The following RBMS1 variants were observed in gnomAD, a reference collection of about 807,000 sequenced individuals.
RBMS1 encodes RNA binding motif single stranded interacting protein 1, also known as RNA-binding motif, single-stranded-interacting protein 1.
A neutral mutation model predicts 62.3 loss-of-function variants in RBMS1; 17 were observed. The observed-to-expected ratio is 0.27, with a 90% CI of 0.19 to 0.41. RBMS1 has a LOEUF of 0.41. RBMS1 is among the 10% of genes least tolerant of loss of function. RBMS1 has a pLI of 1.00. For synonymous variants in RBMS1, 172 were observed against 170.0 expected, an observed-to-expected ratio of 1.01 and a Z score of -0.09; for missense variants, 334 against 504.5, an observed-to-expected ratio of 0.66 and a Z score of 3.24.
At chr2:160,476,012 A>G (rs752802089) in intron 1 of RBMS1, among the ~76,000 whole-genome samples, 3 of 151,966 alleles carry the variant, frequency 2.0e-5, no homozygotes, top group Non-Finnish European at 2.9e-5. Context: ...ACAAGCCACC[A>G]CATCCAGTTA....
chr2:160,278,482 G>T, intron 11 of RBMS1, 66 bp downstream of exon 11: 1 of 1,280,272 alleles, frequency 7.8e-7, no homozygotes. Context: ...TGATAGGGAA[G>T]ATACAGGCTG....
chr2:160,307,520 G>A (rs550819800), intron 4 of RBMS1, among the ~76,000 whole-genome samples: 2 of 152,254 alleles, frequency 1.3e-5, no homozygotes, highest in Non-Finnish European at 2.9e-5. Flanking sequence ...TGTCTTTGTA[G>A]CTCGTTATCT....
At chr2:160,374,430 T>C (rs1041849202) in intron 1 of RBMS1, among the ~76,000 whole-genome samples, 6 of 152,030 alleles carry the variant, frequency 3.9e-5, no homozygotes, top group Non-Finnish European at 7.4e-5. Flanking sequence ...AAGTTGATGT[T>C]GGGGTAGGAG....
intron 2 of RBMS1, among the ~76,000 whole-genome samples, chr2:160,364,576 T>A (rs1693300244): frequency 6.6e-6 from 1 of 152,220 alleles, no homozygotes; most frequent in East Asian, 1.9e-4. Flanking sequence ...TGGGGCTGCC[T>A]TTCCCTGTCA....
At chr2:160,427,160 T>C (rs1017998496) in intron 1 of RBMS1, among the ~76,000 whole-genome samples, 7 of 152,356 alleles carry the variant, frequency 4.6e-5, no homozygotes, top group Admixed American at 2.6e-4. Context: ...CTTTTCCATC[T>C]AAGGGATGAT....
intron 1 of RBMS1, among the ~76,000 whole-genome samples, chr2:160,445,802 C>T (rs1683617322): frequency 6.6e-6 from 1 of 152,186 alleles, no homozygotes; most frequent in Non-Finnish European, 1.5e-5. Context: ...ACTAAGCTAT[C>T]TGGTTTTTAT....
chr2:160,276,118 C>T (rs1687819810), intron 12 of RBMS1, among the ~76,000 whole-genome samples: 1 of 152,116 alleles, frequency 6.6e-6, no homozygotes, highest in Admixed American at 6.6e-5. Flanking sequence ...ATTAATAGTT[C>T]TACACTGGAA....
chr2:160,379,160 A>T (rs1048745501), intron 1 of RBMS1, among the ~76,000 whole-genome samples: 2 of 152,016 alleles, frequency 1.3e-5, no homozygotes, highest in African/African-American at 2.4e-5. Flanking sequence ...CAGAGGTTGC[A>T]GTGATCAGAG....
chr2:160,377,353 C>T (rs2105180266), intron 1 of RBMS1, among the ~76,000 whole-genome samples: 1 of 152,294 alleles, frequency 6.6e-6, no homozygotes, highest in African/African-American at 2.4e-5. Flanking sequence ...AAACAGTGGT[C>T]AGCAGCGTTT....
intron 1 of RBMS1, 53 bp downstream of exon 1, chr2:160,493,236 C>G: frequency 1.3e-6 from 2 of 1,554,964 alleles, no homozygotes; most frequent in Non-Finnish European, 1.8e-6. Context: ...TGACCCTGCG[C>G]GCGTCCCCGG....
chr2:160,412,467 C>T (rs1179056213), intron 1 of RBMS1, among the ~76,000 whole-genome samples: 1 of 152,122 alleles, frequency 6.6e-6, no homozygotes, highest in African/African-American at 2.4e-5. Context: ...AAAATCTAGA[C>T]CTGGCTAGGG....
intron 2 of RBMS1, among the ~76,000 whole-genome samples, chr2:160,332,552 A>C (rs1220313579): frequency 6.6e-6 from 1 of 152,186 alleles, no homozygotes; most frequent in East Asian, 1.9e-4. Context: ...TCCTGTGACT[A>C]TCCTGCTGAA....
intron 1 of RBMS1, among the ~76,000 whole-genome samples, chr2:160,440,364 G>C (rs2105302300): frequency 6.6e-6 from 1 of 152,206 alleles, no homozygotes; most frequent in South Asian, 2.1e-4. Flanking sequence ...AACGAATCCA[G>C]CATCCCTGAC....
intron 10 of RBMS1, among the ~76,000 whole-genome samples, chr2:160,281,108 G>A (rs1212064407): frequency 6.6e-6 from 1 of 152,114 alleles, no homozygotes; most frequent in Admixed American, 6.6e-5. Flanking sequence ...TATATTTTAA[G>A]TTCTTATAGA....
chr2:160,418,218 C>T (rs768732652), intron 1 of RBMS1, among the ~76,000 whole-genome samples: 2 of 152,128 alleles, frequency 1.3e-5, no homozygotes, highest in Non-Finnish European at 2.9e-5. Context: ...ACTTCTTTGG[C>T]AAGTTTTAGT....
intron 3 of RBMS1, among the ~76,000 whole-genome samples, chr2:160,315,205 A>G (rs950672784): frequency 2.6e-5 from 4 of 152,172 alleles, no homozygotes; most frequent in African/African-American, 4.8e-5. Context: ...GCCTTTCCCA[A>G]TGCCTACCAC....
chr2:160,353,959 G>A (rs1692657852), intron 2 of RBMS1, among the ~76,000 whole-genome samples: 1 of 152,082 alleles, frequency 6.6e-6, no homozygotes, highest in Non-Finnish European at 1.5e-5. Context: ...TATAGGTAAG[G>A]AAACTGGGGC....
chr2:160,493,276 G>T lies in RBMS1; in HGVS notation c.75+13C>A. On this transcript the variant is annotated intron_variant, in intron 1 of 13. Coordinates refer to ENST00000348849, the MANE Select transcript of RBMS1 (RefSeq NM_016836.4). ...CCTCCTCCGGCCGTCACCTCTCCCC[G>T]GCGCCCCTTTACCTTGGCTTGCAGA... The T allele has an allele frequency of 1.2e-6, 2 of 1,611,920 alleles. No homozygotes were observed. Among genetic ancestry groups the T allele is most frequent in the Non-Finnish European group, 1.7e-6 (2 of 1,178,378 alleles).
chr2:160,397,573 A>G (rs1202160784), intron 1 of RBMS1, among the ~76,000 whole-genome samples: 1 of 152,078 alleles, frequency 6.6e-6, no homozygotes, highest in Non-Finnish European at 1.5e-5. Flanking sequence ...AATTTTCAGG[A>G]AAAAAACTCT....
Sources: gnomAD v4.1 joint callset for allele counts (sites outside exome capture counted in the v4.1 genomes callset) on GRCh38, gnomAD v4.1.1 for gene constraint, MANE v1.5 for transcripts, NCBI Gene and HGNC (gene_info 2026-07-23, HGNC 2026-07-21) for gene names.